TOP6BL: variants seen among roughly 807,000 people sequenced by gnomAD.
TOP6BL encodes TOP6B like initiator of meiotic double strand breaks.
At chr11:66,837,622 T>C in the TOP6BL span, among the ~76,000 whole-genome samples, 1 of 151,394 alleles carries the variant, frequency 6.6e-6, no homozygotes, top group South Asian at 2.1e-4. Context: ...TTTTTGTATT[T>C]TTAGTACAGG....
chr11:66,775,269 A>G, the TOP6BL span, among the ~76,000 whole-genome samples: 6 of 152,256 alleles, frequency 3.9e-5, no homozygotes, highest in East Asian at 9.6e-4. Context: ...TTTTTCTTTT[A>G]AAAATGTTAT....
chr11:66,842,710 T>G, the TOP6BL span: 3 of 828,262 alleles, frequency 3.6e-6, no homozygotes, highest in Non-Finnish European at 5.6e-6. Context: ...CTGCAGGGTT[T>G]TGGTGTGGAT....
At chr11:66,774,901 G>A in the TOP6BL span, among the ~76,000 whole-genome samples, 1 of 151,828 alleles carries the variant, frequency 6.6e-6, no homozygotes, top group African/African-American at 2.4e-5. Flanking sequence ...ATTACCGGAG[G>A]TGGGAGTTAG....
chr11:66,758,165 G>A, the TOP6BL span: 7 of 982,550 alleles, frequency 7.1e-6, no homozygotes, highest in Admixed American at 1.2e-4. Flanking sequence ...AGGTAGTTCT[G>A]ATCTTTTTGT....
chr11:66,745,983 G>GT, the TOP6BL span, among the ~76,000 whole-genome samples: 1 of 152,130 alleles, frequency 6.6e-6, no homozygotes. Context: ...GCTCATTTTT[G>GT]TATTTGTAGT....
At chr11:66,840,027 G>A in the TOP6BL span, among the ~76,000 whole-genome samples, 1 of 152,184 alleles carries the variant, frequency 6.6e-6, no homozygotes, top group Non-Finnish European at 1.5e-5. Flanking sequence ...TGCAACATGA[G>A]CTTTAAAATC....
the TOP6BL span, chr11:66,744,880 C>T: frequency 7.7e-7 from 1 of 1,294,768 alleles, no homozygotes; most frequent in Non-Finnish European, 9.8e-7. Flanking sequence ...GCCGCTGTTC[C>T]CTGCGCGGCA....
At chr11:66,760,644 A>G in the TOP6BL span, among the ~76,000 whole-genome samples, 4 of 149,856 alleles carry the variant, frequency 2.7e-5, no homozygotes, top group Non-Finnish European at 5.9e-5. Context: ...AAAAAAAAAA[A>G]AAAAAAAAAA....
At chr11:66,822,636 A>G in the TOP6BL span, 18 of 1,552,184 alleles carry the variant, frequency 1.2e-5, no homozygotes, top group African/African-American at 2.7e-5. Context: ...TGGAAGCACT[A>G]GGAGCAGCTT....
chr11:66,814,154 C>G, the TOP6BL span: 1 of 931,538 alleles, frequency 1.1e-6, no homozygotes, highest in South Asian at 1.8e-5. Flanking sequence ...GGGTCAGGGT[C>G]TGGCCAAATG....
chr11:66,748,026 G>A, the TOP6BL span, among the ~76,000 whole-genome samples: 1 of 152,084 alleles, frequency 6.6e-6, no homozygotes, highest in African/African-American at 2.4e-5. Context: ...CTTCATGTTG[G>A]CTTTTATTTG....
chr11:66,762,332 C>A, the TOP6BL span: 2 of 396,930 alleles, frequency 5.0e-6, no homozygotes, highest in South Asian at 2.5e-5. Flanking sequence ...GGGGCGGGCC[C>A]CGGGGGTGTG....
chr11:66,821,809 A>G, the TOP6BL span: 1 of 1,601,928 alleles, frequency 6.2e-7, no homozygotes, highest in Non-Finnish European at 8.5e-7. Flanking sequence ...CTCTAAGAAA[A>G]AGATAGCAAG....
the TOP6BL span, among the ~76,000 whole-genome samples, chr11:66,794,653 A>C: frequency 1.3e-5 from 2 of 152,178 alleles, no homozygotes; most frequent in Non-Finnish European, 2.9e-5. Flanking sequence ...CCTAGTGGTA[A>C]ATCTTATATT....
chr11:66,748,283 G>A, the TOP6BL span: 1 of 958,142 alleles, frequency 1.0e-6, no homozygotes, highest in Non-Finnish European at 1.5e-6. Flanking sequence ...TTTTTGGGGG[G>A]AAATTAGAGT....
the TOP6BL span, among the ~76,000 whole-genome samples, chr11:66,822,162 TC>T: frequency 1.3e-5 from 2 of 152,218 alleles, no homozygotes; most frequent in Non-Finnish European, 2.9e-5. Context: ...TACCTGATTT[TC>T]TACATCCATC....
chr11:66,760,612 G>C, the TOP6BL span, among the ~76,000 whole-genome samples: 2 of 104,582 alleles, frequency 1.9e-5, no homozygotes, highest in Non-Finnish European at 3.5e-5. Flanking sequence ...ACCATCACGA[G>C]ACCCCATCTT....
chr11:66,801,196 T>C, the TOP6BL span: 1 of 1,320,196 alleles, frequency 7.6e-7, no homozygotes, highest in Non-Finnish European at 1.1e-6. Flanking sequence ...CACTTGTCAT[T>C]TGTAAGTGCC....
the TOP6BL span, among the ~76,000 whole-genome samples, chr11:66,805,707 G>C: frequency 6.6e-6 from 1 of 151,972 alleles, no homozygotes; most frequent in Non-Finnish European, 1.5e-5. Flanking sequence ...CACCAGGCTC[G>C]GCCTCCCAAA....
Sources: gnomAD v4.1 joint callset for allele counts (sites outside exome capture counted in the v4.1 genomes callset) on GRCh38, gnomAD v4.1.1 for gene constraint, MANE v1.5 for transcripts, NCBI Gene and HGNC (gene_info 2026-07-23, HGNC 2026-07-21) for gene names.